The following RBFOX1 variants were observed in gnomAD, a reference collection of about 807,000 sequenced individuals.
RBFOX1 encodes RNA binding protein fox-1 homolog 1.
In RBFOX1, 8 loss-of-function variants were observed where a neutral mutation model predicts 57.7. That is an observed-to-expected ratio of 0.14 (90% confidence interval 0.08 to 0.25). The LOEUF (loss-of-function observed/expected upper bound fraction) is 0.25, where lower values mean the gene tolerates loss of function less well. Among genes scored for constraint, RBFOX1 ranks in the 10% least tolerant of loss-of-function variants. RBFOX1 has a pLI of 1.00. For synonymous variants in RBFOX1, 326 were observed against 222.4 expected (o/e 1.47, Z -4.15); for missense variants, 611 against 548.5 (o/e 1.11, Z -1.14).
At chr16:5,316,496 C>T (rs981109044) in intron 1 of RBFOX1, among the ~76,000 whole-genome samples, 1 of 152,184 alleles carries the variant, frequency 6.6e-6, no homozygotes, top group Non-Finnish European at 1.5e-5. Context: ...GAGAACACCC[C>T]CTCCACAACG....
In RBFOX1 at chr16:5,808,002, C is replaced by T. The variant is rs376701229; in HGVS notation, c.319-59301C>T. On this transcript the variant is annotated intron_variant, in intron 3 of 19. Transcript: ENST00000641259. ...CTTCCTTCTTGCTGTGTCTCCTGAA[C>T]ACCTATCAGGCTTACTCCTTCTATG... Among the ~76,000 whole-genome samples the T allele has an allele frequency of 1.2e-4, 18 of 152,312 alleles. 1 individual carries two copies. In the South Asian group the frequency reaches 3.7e-3, roughly 32 times the overall value.
At chr16:5,633,561 A>G (rs898829810) in intron 3 of RBFOX1, among the ~76,000 whole-genome samples, 3 of 152,132 alleles carry the variant, frequency 2.0e-5, no homozygotes, top group African/African-American at 7.2e-5. Context: ...ACAAGAATAA[A>G]AGAAATAATC....
chr16:6,597,244 C>T (rs550434580), intron 2 of RBFOX1, among the ~76,000 whole-genome samples: 10 of 152,202 alleles, frequency 6.6e-5, no homozygotes, highest in South Asian at 6.2e-4. Flanking sequence ...TAGTTGGGTG[C>T]GTATTCACCT....
intron 4 of RBFOX1, among the ~76,000 whole-genome samples, chr16:7,489,914 G>C (rs2066483903): frequency 6.6e-6 from 1 of 152,096 alleles, no homozygotes; most frequent in African/African-American, 2.4e-5. Context: ...GGTTTTAAAA[G>C]TTAAGGTGAA....
intron 3 of RBFOX1, among the ~76,000 whole-genome samples, chr16:6,909,125 G>A (rs921858219): frequency 6.6e-6 from 1 of 152,142 alleles, no homozygotes; most frequent in Admixed American, 6.5e-5. Context: ...TCCAAAATGG[G>A]TCTTGCTGGA....
At chr16:5,961,110 C>G (rs1346698720) in intron 4 of RBFOX1, among the ~76,000 whole-genome samples, 1 of 152,164 alleles carries the variant, frequency 6.6e-6, no homozygotes, top group Non-Finnish European at 1.5e-5. Flanking sequence ...CTCTCACAAC[C>G]CTCTGGCAGA....
intron 5 of RBFOX1, among the ~76,000 whole-genome samples, chr16:7,547,725 C>A (rs1190579868): frequency 6.6e-6 from 1 of 152,212 alleles, no homozygotes; most frequent in Non-Finnish European, 1.5e-5. Context: ...AGGCACCTTG[C>A]TCCTACCATT....
At chr16:6,458,304 G>A (rs888866985) in intron 2 of RBFOX1, among the ~76,000 whole-genome samples, 2 of 146,898 alleles carry the variant, frequency 1.4e-5, no homozygotes, top group African/African-American at 5.0e-5. Context: ...GACTACCTGT[G>A]TTCTCAGTCT....
chr16:5,357,238 G>A (rs2065416313), intron 1 of RBFOX1, among the ~76,000 whole-genome samples: 1 of 152,188 alleles, frequency 6.6e-6, no homozygotes, highest in African/African-American at 2.4e-5. Flanking sequence ...TGTTCTACTG[G>A]GGCATTCTCC....
intron 3 of RBFOX1, among the ~76,000 whole-genome samples, chr16:6,807,310 T>C (rs1376115553): frequency 6.6e-6 from 1 of 152,030 alleles, no homozygotes; most frequent in Admixed American, 6.6e-5. Context: ...TTCTAGGGCA[T>C]ACAATGAAGA....
intron 1 of RBFOX1, among the ~76,000 whole-genome samples, chr16:6,231,430 C>A: frequency 6.6e-6 from 1 of 151,994 alleles, no homozygotes; most frequent in South Asian, 2.1e-4. Context: ...GGAATCCTAC[C>A]CAGGTGCTAT....
intron 4 of RBFOX1, among the ~76,000 whole-genome samples, chr16:7,493,019 C>T (rs1290023396): frequency 1.3e-5 from 2 of 152,154 alleles, no homozygotes; most frequent in African/African-American, 2.4e-5. Context: ...GCTGGGATTA[C>T]AGGTGCCTGC....
chr16:6,831,301 A>G (rs1247114032), intron 3 of RBFOX1, among the ~76,000 whole-genome samples: 2 of 152,170 alleles, frequency 1.3e-5, no homozygotes, highest in Non-Finnish European at 2.9e-5. Context: ...AAATTTACAG[A>G]AACAACTTCT....
intron 1 of RBFOX1, among the ~76,000 whole-genome samples, chr16:6,299,560 G>C (rs2078554526): frequency 6.6e-6 from 1 of 152,004 alleles, no homozygotes; most frequent in Non-Finnish European, 1.5e-5. Flanking sequence ...ACCTTCCCAA[G>C]ACCCCAGCGT....
At chr16:7,146,877 A>C (rs1187044688) in intron 4 of RBFOX1, among the ~76,000 whole-genome samples, 1 of 146,950 alleles carries the variant, frequency 6.8e-6, no homozygotes, top group African/African-American at 2.5e-5. Context: ...CTGAACCAGG[A>C]GGTCGAGGTT....
chr16:6,652,306 G>T (rs2154084890), intron 2 of RBFOX1, among the ~76,000 whole-genome samples: 1 of 152,204 alleles, frequency 6.6e-6, no homozygotes, highest in South Asian at 2.1e-4. Context: ...AAATTAGTTG[G>T]GGGTTGTGGT....
At chr16:6,624,784 C>T (rs1286474938) in intron 2 of RBFOX1, among the ~76,000 whole-genome samples, 1 of 152,148 alleles carries the variant, frequency 6.6e-6, no homozygotes, top group Non-Finnish European at 1.5e-5. Flanking sequence ...GAAGGCAATT[C>T]TTTAATTTTT....
At chr16:7,205,725 A>G (rs2089825952) in intron 4 of RBFOX1, among the ~76,000 whole-genome samples, 1 of 152,208 alleles carries the variant, frequency 6.6e-6, no homozygotes, top group Admixed American at 6.5e-5. Flanking sequence ...GGTGATGGGC[A>G]GAAAGAAAAC....
intron 3 of RBFOX1, among the ~76,000 whole-genome samples, chr16:6,947,366 C>T (rs556823710): frequency 1.3e-5 from 2 of 152,254 alleles, no homozygotes; most frequent in South Asian, 2.1e-4. Context: ...GGTGCCTGAG[C>T]CTTTTGCATC....
Sources: allele counts gnomAD v4.1 joint callset (sites outside exome capture counted in the v4.1 genomes callset), GRCh38; gene constraint gnomAD v4.1.1; transcripts MANE v1.5; gene names NCBI Gene and HGNC (gene_info 2026-07-23, HGNC 2026-07-21).